Variants in MKLN1 observed in about 807,000 individuals in gnomAD.
The protein encoded by MKLN1 is muskelin.
MKLN1 carries 18 observed loss-of-function variants against 99.0 expected under a neutral mutation model. That is an observed-to-expected ratio of 0.18 (90% confidence interval 0.13 to 0.27). The LOEUF (loss-of-function observed/expected upper bound fraction) is 0.27. MKLN1 is among the 10% of genes least tolerant of loss of function. MKLN1 has a pLI of 1.00. For missense variants in MKLN1, 621 were observed against 875.9 expected (o/e 0.71, Z 3.67); for synonymous variants, 288 against 293.2 (o/e 0.98, Z 0.18).
intron 2 of MKLN1, among the ~76,000 whole-genome samples, chr7:131,153,696 T>G (rs1795924657): frequency 7.0e-6 from 1 of 143,058 alleles, no homozygotes; most frequent in Non-Finnish European, 1.5e-5. Context: ...GGAGTCTTGC[T>G]CTGTTGCTGA....
chr7:131,346,465 T>C (rs1324569739), intron 1 of MKLN1, among the ~76,000 whole-genome samples: 1 of 151,000 alleles, frequency 6.6e-6, no homozygotes, highest in Non-Finnish European at 1.5e-5. Flanking sequence ...GAGGTTGCAG[T>C]GAGCTGAGAT....
chr7:131,466,823 A>G (rs1353581383), intron 15 of MKLN1, among the ~76,000 whole-genome samples: 2 of 152,178 alleles, frequency 1.3e-5, no homozygotes, highest in Non-Finnish European at 2.9e-5. Context: ...TCACAATACA[A>G]TTTCAAAGCT....
chr7:131,442,273 C>A (rs890758792), intron 10 of MKLN1, among the ~76,000 whole-genome samples: 1 of 152,162 alleles, frequency 6.6e-6, no homozygotes, highest in African/African-American at 2.4e-5. Context: ...AATAGCCAGG[C>A]ACGGTGGCTC....
intron 3 of MKLN1, among the ~76,000 whole-genome samples, chr7:131,229,485 C>T (rs957725747): frequency 1.3e-5 from 2 of 152,114 alleles, no homozygotes; most frequent in Non-Finnish European, 2.9e-5. Flanking sequence ...GAGGAAGCCT[C>T]CTATATCACA....
intron 1 of MKLN1, among the ~76,000 whole-genome samples, chr7:131,350,216 T>G (rs1799679087): frequency 6.6e-6 from 1 of 152,070 alleles, no homozygotes; most frequent in South Asian, 2.1e-4. Context: ...TATTTCATTT[T>G]ATTTAAAATC....
intron 2 of MKLN1, among the ~76,000 whole-genome samples, chr7:131,379,092 T>TA: frequency 6.6e-6 from 1 of 152,320 alleles, no homozygotes; most frequent in South Asian, 2.1e-4. Flanking sequence ...AGATTCTCAT[T>TA]ACTTGACTAT....
At chr7:131,162,082 G>A (rs564420376) in intron 2 of MKLN1, among the ~76,000 whole-genome samples, 3 of 149,014 alleles carry the variant, frequency 2.0e-5, no homozygotes, top group South Asian at 4.3e-4. Flanking sequence ...TACCTAGGCC[G>A]GAGTGCAGTG....
chr7:131,370,690 A>G (rs1336040731), intron 1 of MKLN1, among the ~76,000 whole-genome samples: 1 of 152,124 alleles, frequency 6.6e-6, no homozygotes, highest in Admixed American at 6.5e-5. Flanking sequence ...TGACAGGGCA[A>G]GTTCTTCTCA....
chr7:131,151,595 A>G (rs1486165823), intron 2 of MKLN1, among the ~76,000 whole-genome samples: 3 of 152,200 alleles, frequency 2.0e-5, no homozygotes, highest in Admixed American at 1.3e-4. Context: ...GCCTTGCCCA[A>G]TTATATTTAA....
At chr7:131,347,214 C>G (rs1181081725) in intron 1 of MKLN1, among the ~76,000 whole-genome samples, 1 of 152,216 alleles carries the variant, frequency 6.6e-6, no homozygotes, top group African/African-American at 2.4e-5. Flanking sequence ...GAAAATTTAT[C>G]TGAGCTAAAG....
intron 3 of MKLN1, among the ~76,000 whole-genome samples, chr7:131,261,593 C>T (rs1797732129): frequency 6.6e-6 from 1 of 152,106 alleles, no homozygotes; most frequent in Non-Finnish European, 1.5e-5. Flanking sequence ...GGTGATTTCT[C>T]AAAGAACTGA....
rs953636313 is a variant in MKLN1 at position 131,470,732 on chromosome 7, C to G, written c.1929-110C>G. On this transcript the variant is annotated intron_variant, in intron 15 of 17. Transcript: ENST00000352689. ...CCTAAACTGACATTTTCTAAATATC[C>G]AGAACAACTCCTCATACTCAGTATA... The G allele has an allele frequency of 1.7e-4, 122 of 715,704 alleles. No homozygotes were observed. The African/African-American group carries it at 2.0e-3, about 12-fold the overall frequency. 44.3% of individuals were successfully genotyped at this position (715,704 alleles called of 1,614,324 possible).
chr7:131,325,908 G>GC (rs996726520), upstream of MKLN1, among the ~76,000 whole-genome samples: 1 of 147,664 alleles, frequency 6.8e-6, no homozygotes, highest in African/African-American at 2.5e-5. Context: ...AGTGGGGGGG[G>GC]GGTGGTGGTG....
chr7:131,266,270 G>C (rs1439953849), intron 3 of MKLN1, among the ~76,000 whole-genome samples: 1 of 151,568 alleles, frequency 6.6e-6, no homozygotes, highest in Non-Finnish European at 1.5e-5. Context: ...AGGTGAGGCT[G>C]TCTACCACAA....
intron 4 of MKLN1, among the ~76,000 whole-genome samples, chr7:131,393,691 G>C (rs1349770424): frequency 6.6e-6 from 1 of 151,964 alleles, no homozygotes; most frequent in Non-Finnish European, 1.5e-5. Context: ...TAGTAGTGTG[G>C]TCATAGCTCA....
chr7:131,161,276 T>A (rs1035996455), intron 2 of MKLN1, among the ~76,000 whole-genome samples: 1 of 152,220 alleles, frequency 6.6e-6, no homozygotes, highest in Non-Finnish European at 1.5e-5. Flanking sequence ...CCTAGCATAA[T>A]GCTAAATGAG....
intron 3 of MKLN1, among the ~76,000 whole-genome samples, chr7:131,300,548 G>T (rs1407652529): frequency 3.3e-5 from 5 of 151,578 alleles, no homozygotes; most frequent in Admixed American, 6.6e-5. Context: ...GCCAGGTGTG[G>T]TGGGGCACAC....
intron 3 of MKLN1, among the ~76,000 whole-genome samples, 183 bp downstream of exon 3, chr7:131,387,445 TTTAA>T (rs1794066816): frequency 6.6e-6 from 1 of 152,222 alleles, no homozygotes; most frequent in African/African-American, 2.4e-5. Flanking sequence ...ATTTTTATTT[TTTAA>T]CCAACAGACC....
At chr7:131,117,648 T>C (rs2116181107) in intron 1 of MKLN1, among the ~76,000 whole-genome samples, 1 of 152,320 alleles carries the variant, frequency 6.6e-6, no homozygotes, top group East Asian at 1.9e-4. Flanking sequence ...TTTACATTTT[T>C]TGGTCTGAAA....
Sources: allele counts gnomAD v4.1 joint callset (sites outside exome capture counted in the v4.1 genomes callset), GRCh38; gene constraint gnomAD v4.1.1; transcripts MANE v1.5; gene names NCBI Gene and HGNC (gene_info 2026-07-23, HGNC 2026-07-21).